Variants in RPTOR observed in about 807,000 individuals in gnomAD.
RPTOR encodes regulatory associated protein of MTOR complex 1, also known as regulatory-associated protein of mTOR.
In RPTOR, 21 loss-of-function variants were observed where a neutral mutation model predicts 169.9. That is an observed-to-expected ratio of 0.12 (90% confidence interval 0.09 to 0.18). RPTOR has a LOEUF of 0.18. Among genes scored for constraint, RPTOR ranks in the 10% least tolerant of loss-of-function variants. The pLI, the probability that RPTOR is intolerant of heterozygous loss-of-function variation, is 1.00. For synonymous variants in RPTOR, 732 were observed against 753.2 expected (o/e 0.97, Z 0.46); for missense variants, 1,133 against 1,855.9 (o/e 0.61, Z 7.16).
rs114961715 is a variant in RPTOR at position 80,759,242 on chromosome 17, G to A, written c.830+5057G>A. 1.4e-3 allele frequency among the ~76,000 whole-genome samples: 208 copies of A among 152,234 alleles called. 1 individual carries two copies. Among genetic ancestry groups the A allele is most frequent in the African/African-American group, 4.7e-3 (196 of 41,550 alleles). ...TTTCACTCTGAGGGCTGCTGGCCTC[G>A]TTATTTCTAAAATGGGTGCCTGCCC... is the stretch of plus-strand genomic sequence containing the variant. On this transcript the variant is annotated intron_variant, in intron 6 of 33. Coordinates refer to ENST00000306801, the MANE Select transcript of RPTOR (RefSeq NM_020761.3).
At chr17:80,840,478 GCACGGCAGCTCACTCTCACCA>G (rs1252379840) in intron 10 of RPTOR, among the ~76,000 whole-genome samples, 9 of 124,158 alleles carry the variant, frequency 7.2e-5, no homozygotes, top group African/African-American at 2.8e-4. Flanking sequence ...CACGCTCACC[GCACGGCAGCTCACTCTCACCA>G]CACGGCAGCT....
chr17:80,859,419 G>A (rs2067892717), intron 13 of RPTOR, among the ~76,000 whole-genome samples: 1 of 152,246 alleles, frequency 6.6e-6, no homozygotes, highest in Non-Finnish European at 1.5e-5. Flanking sequence ...GGGTTGTTGG[G>A]GACAAAGATT....
At chr17:80,783,445 A>G (rs1398840784) in intron 6 of RPTOR, among the ~76,000 whole-genome samples, 3 of 152,256 alleles carry the variant, frequency 2.0e-5, no homozygotes, top group African/African-American at 7.2e-5. Flanking sequence ...TACAGACAAC[A>G]TGATGTTTTA....
chr17:80,689,777 A>G (rs769441776), intron 3 of RPTOR, among the ~76,000 whole-genome samples: 7 of 152,208 alleles, frequency 4.6e-5, no homozygotes, highest in Non-Finnish European at 7.3e-5. Context: ...CATTTTTAAA[A>G]TTTTTGATCA....
intron 13 of RPTOR, among the ~76,000 whole-genome samples, chr17:80,864,996 T>G (rs1290166725): frequency 6.6e-6 from 1 of 152,236 alleles, no homozygotes; most frequent in Non-Finnish European, 1.5e-5. Context: ...CCCCACAGAA[T>G]GTATAACATT....
chr17:80,957,706 C>T lies in RPTOR; in HGVS notation c.3453C>T (p.Asp1151=). ...ACGTGCGGATCGTCCGGATCTGGGA[C>T]ACAGACCGTGAGATGAAGGTGCAGG... The part of the protein sequence containing the change: ...SGDVRIVRIW[D]TDREMKVQDI... Residue 1151 remains aspartate (D), a synonymous_variant, in exon 29 of 34, where the codon GAC becomes GAT. Transcript: ENST00000306801. The surrounding 1 kb of genome is among the most constrained non-coding windows in gnomAD (Gnocchi z 4.6). 6.2e-7 allele frequency: 1 copy of T among 1,614,098 alleles called. No individual in the cohort carries two copies. Among genetic ancestry groups the T allele is most frequent in the South Asian group, 1.1e-5 (1 of 91,088 alleles).
intron 6 of RPTOR, among the ~76,000 whole-genome samples, chr17:80,774,831 G>A (rs1250368263): frequency 6.6e-6 from 1 of 152,180 alleles, no homozygotes; most frequent in African/African-American, 2.4e-5. Flanking sequence ...AGGAGGCTGC[G>A]GACACAGTGT....
At chr17:80,579,257 G>A (rs1261053419) in intron 1 of RPTOR, among the ~76,000 whole-genome samples, 2 of 152,140 alleles carry the variant, frequency 1.3e-5, no homozygotes, top group Admixed American at 1.3e-4. Context: ...GCAATGGTGC[G>A]ATCTCGGCTC....
intron 4 of RPTOR, among the ~76,000 whole-genome samples, chr17:80,719,049 G>C (rs1239394770): frequency 1.3e-5 from 2 of 152,198 alleles, no homozygotes; most frequent in Non-Finnish European, 2.9e-5. Flanking sequence ...CCAGAAGCGA[G>C]AAGAAGGAGC....
At chr17:80,791,569 T>C (rs1229224254) in intron 7 of RPTOR, 60 bp downstream of exon 7, 24 of 1,460,692 alleles carry the variant, frequency 1.6e-5, no homozygotes, top group Non-Finnish European at 2.1e-5. Flanking sequence ...TTTTCCTTTT[T>C]GAAGGCTCTT....
At chr17:80,895,087 T>C (rs183011073) in intron 20 of RPTOR, among the ~76,000 whole-genome samples, 6 of 152,218 alleles carry the variant, frequency 3.9e-5, no homozygotes, top group Non-Finnish European at 7.3e-5. Flanking sequence ...CGGTTCTAGT[T>C]TCTTCTTGCC....
chr17:80,797,194 G>A (rs2067109872), intron 7 of RPTOR, among the ~76,000 whole-genome samples: 1 of 152,162 alleles, frequency 6.6e-6, no homozygotes, highest in Non-Finnish European at 1.5e-5. Context: ...ATGCAGTGGT[G>A]CCGTCTCAGC....
intron 13 of RPTOR, among the ~76,000 whole-genome samples, chr17:80,866,474 C>G (rs2067993154): frequency 6.6e-6 from 1 of 152,094 alleles, no homozygotes; most frequent in Admixed American, 6.5e-5. Flanking sequence ...CGAAAGAAGA[C>G]AGTGAAACAT....
chr17:80,850,905 ACT>A (rs1220399915), intron 11 of RPTOR, among the ~76,000 whole-genome samples: 1 of 152,104 alleles, frequency 6.6e-6, no homozygotes, highest in Non-Finnish European at 1.5e-5. Flanking sequence ...CTGTCTGAGC[ACT>A]CTCTTCATAT....
chr17:80,834,281 T>C (rs560231725), intron 9 of RPTOR, among the ~76,000 whole-genome samples: 7 of 152,360 alleles, frequency 4.6e-5, no homozygotes, highest in South Asian at 2.1e-4. Flanking sequence ...CAGCGGTTTG[T>C]AGGCGTTCTT....
intron 6 of RPTOR, among the ~76,000 whole-genome samples, chr17:80,790,216 G>T (rs893010359): frequency 2.6e-5 from 4 of 152,216 alleles, no homozygotes; most frequent in Admixed American, 1.3e-4. Context: ...GGAAAGGGCT[G>T]CTCTGTAGCT....
chr17:80,925,475 A>G lies in RPTOR; in HGVS notation c.2914A>G (p.Met972Val), dbSNP rs1182756845. Residue 972 changes from methionine (M) to valine (V), a missense_variant, in exon 24 of 34, where the codon ATG becomes GTG. By Grantham distance (21) the Met-to-Val change is conservative. Coordinates refer to ENST00000306801, the MANE Select transcript of RPTOR (RefSeq NM_020761.3). The part of the protein sequence containing the change: ...WSARYFAQPV[M>V]KIPEEHDLES... ...CGCCCGCTATTTTGCCCAGCCCGTC[A>G]TGAAGGTGCGCCCGGGGTGTGGGGT... 6.8e-6 allele frequency: 11 copies of G among 1,613,002 alleles called. No homozygotes were observed. The highest frequency in any genetic ancestry group is 1.7e-5 in the Admixed American group (1 of 60,016).
At chr17:80,937,824 ATC>A (rs2068973149) in intron 24 of RPTOR, among the ~76,000 whole-genome samples, 1 of 152,154 alleles carries the variant, frequency 6.6e-6, no homozygotes, top group Non-Finnish European at 1.5e-5. Flanking sequence ...CTTCCACGGC[ATC>A]TCTGCCTTCC....
intron 5 of RPTOR, chr17:80,743,548 G>A (rs901801422): frequency 8.8e-6 from 6 of 684,094 alleles, no homozygotes; most frequent in Non-Finnish European, 1.1e-5. Flanking sequence ...TCAGTTCTTG[G>A]GAAAGGTGCC....
Sources: gnomAD v4.1 joint callset for allele counts (sites outside exome capture counted in the v4.1 genomes callset) on GRCh38, gnomAD v4.1.1 for gene constraint, Gnocchi (gnomAD v3.1) non-coding constraint, MANE v1.5 for transcripts, NCBI Gene and HGNC (gene_info 2026-07-23, HGNC 2026-07-21) for gene names.